AMH: variants seen among roughly 807,000 people sequenced by gnomAD.
AMH encodes the protein anti-Mullerian hormone, also known as anti-Muellerian hormone.
Under a neutral mutation model 33.3 loss-of-function variants are expected in AMH, and 39 were observed. That is an observed-to-expected ratio of 1.17 (90% CI 0.91 to 1.53). AMH has a LOEUF of 1.53. Ranked by LOEUF, AMH falls within the 40% of genes most tolerant of loss-of-function variation. AMH has a pLI of 0.00. For synonymous variants in AMH, 536 were observed against 403.0 expected, an observed-to-expected ratio of 1.33 and a Z score of -3.95; for missense variants, 1,019 against 799.8, an observed-to-expected ratio of 1.27 and a Z score of -3.30.
rs1054457028 is a variant in AMH, at chr19:2,251,858, C to T, written c.1584C>T (p.Pro528=). The change falls in exon 5 of 5, where the codon CCC becomes CCT. Residue 528 remains proline (P), a synonymous_variant. Transcript: ENST00000221496. Reference sequence around the variant, plus strand: ...TGGCGCGCCCACCCTGCTGCGTGCCCACCGCCTACGCGGGCAAGCTGCTCA... The same window carrying T: ...TGGCGCGCCCACCCTGCTGCGTGCCTACCGCCTACGCGGGCAAGCTGCTCA... ...AALARPPCCV[P]TAYAGKLLIS... 24 of 1,592,606 alleles carry T rather than the reference C, an allele frequency of 1.5e-5. No individual in the cohort carries two copies. In the Admixed American group the frequency reaches 3.7e-4, roughly 25 times the overall value.
At position 2,251,206 on chromosome 19, in the gene AMH, C is replaced by T. The variant is rs1257988198; in HGVS notation, c.932C>T (p.Pro311Leu). 6 of 1,504,594 alleles carry T rather than the reference C, an allele frequency of 4.0e-6. No individual in the cohort carries two copies. Among genetic ancestry groups the T allele is most frequent in the Non-Finnish European group, 5.3e-6 (6 of 1,133,832 alleles). 93.2% of individuals were successfully genotyped at this position (1,504,594 alleles called of 1,614,324 possible). Reference protein sequence around the residue: ...LRVPPARASAPRLALDPDALA... With the variant: ...LRVPPARASALRLALDPDALA... ...GTCCCCCCGGCCCGGGCCTCCGCGC[C>T]GCGCCTGGCCCTGGATCCGGACGCG... The change falls in exon 5 of 5, where the codon CCG becomes CTG. Residue 311 changes from proline (P) to leucine (L), a missense_variant. Coordinates refer to ENST00000221496, the MANE Select transcript of AMH (RefSeq NM_000479.5).
Position 2,249,756 on chromosome 19 carries a change from C to G in AMH, c.412+12C>G. The stretch of plus-strand genomic sequence containing the variant: ...ACACCTGGAGGAAGGTATGTGGGGC[C>G]CAGCCCCAAGCTTGGCACCGCCGTC... On this transcript the variant is annotated intron_variant, in intron 1 of 4. Coordinates refer to ENST00000221496, the MANE Select transcript of AMH (RefSeq NM_000479.5). 1 of 1,495,976 alleles carries G rather than the reference C, an allele frequency of 6.7e-7. No individual in the cohort carries two copies. The highest frequency in any genetic ancestry group is 8.9e-7 in the Non-Finnish European group (1 of 1,127,440). The allele number at this position is 1,495,976 out of a possible 1,614,324, so 92.7% of individuals were successfully genotyped here.
At position 2,250,970 on chromosome 19, in the gene AMH, G is replaced by C; in HGVS notation, c.786G>C (p.Ala262=). Residue 262 remains alanine (A), a synonymous_variant, in exon 4 of 5, where the codon GCG becomes GCC. Coordinates refer to ENST00000221496, the MANE Select transcript of AMH (RefSeq NM_000479.5). ...LPRSEPAPLP[A]HGQLDTVPFP... ...GGTCCGAGCCCGCGCCGCTGCCTGC[G>C]CACGGCCAGCTGGACACCGTGCCCT... is the stretch of plus-strand genomic sequence containing the variant. The C allele has an allele frequency of 6.6e-7, 1 of 1,520,868 alleles. No homozygotes were observed. Among genetic ancestry groups the C allele is most frequent in the Non-Finnish European group, 8.8e-7 (1 of 1,141,808 alleles). 94.2% of individuals were successfully genotyped at this position (1,520,868 alleles called of 1,614,324 possible).
Position 2,249,368 on chromosome 19 carries a change from G to A in AMH, c.36G>A (p.Val12=). 1 of 1,583,360 alleles carries A rather than the reference G, an allele frequency of 6.3e-7. No homozygotes were observed. Reference sequence around the variant, plus strand: ...TGCCTCTCACCAGCCTGGCCCTAGTGCTGTCTGCCCTGGGGGCTCTGCTGG... The same window carrying A: ...TGCCTCTCACCAGCCTGGCCCTAGTACTGTCTGCCCTGGGGGCTCTGCTGG... ...RDLPLTSLAL[V]LSALGALLGT... Residue 12 remains valine, a synonymous_variant, in exon 1 of 5, where the codon GTG becomes GTA. Coordinates refer to ENST00000221496, the MANE Select transcript of AMH (RefSeq NM_000479.5).
chr19:2,249,665 C>G lies in AMH; in HGVS notation c.333C>G (p.Ala111=). 3 of 1,512,378 alleles carry G rather than the reference C, an allele frequency of 2.0e-6. No individual in the cohort carries two copies. Among genetic ancestry groups the G allele is most frequent in the Non-Finnish European group, 2.6e-6 (3 of 1,134,410 alleles). 93.7% of individuals were successfully genotyped at this position (1,512,378 alleles called of 1,614,324 possible). ...GCAACACCGGTGACAGGCAGGCTGCCTTGCCCTCTCTACGGCGGCTGGGGG... is the reference window on the plus strand; with the variant it reads ...GCAACACCGGTGACAGGCAGGCTGCGTTGCCCTCTCTACGGCGGCTGGGGG... ...GVCNTGDRQA[A]LPSLRRLGAW... Residue 111 remains alanine, a synonymous_variant, in exon 1 of 5, where the codon GCC becomes GCG. Transcript: ENST00000221496.
In AMH at chr19:2,250,313, C is replaced by T. The variant is rs183367973; in HGVS notation, c.413-24C>T. ...GGGGTGTGGCCTTCAATGGCTCAGG[C>T]GTCCCCTGCTGTCCCGGCTGCAGTG... On this transcript the variant is annotated intron_variant, in intron 1 of 4. Transcript: ENST00000221496. The T allele has an allele frequency of 9.6e-4, 1,522 of 1,584,066 alleles. 2 individuals are homozygous for T. Among genetic ancestry groups the T allele is most frequent in the Non-Finnish European group, 1.2e-3 (1,392 of 1,171,242 alleles).
At chr19:2,250,155 GCAGCCCCTGC>G (rs1211102935) in intron 1 of AMH, 172 bp from the exon 2 acceptor site, 17 of 1,026,018 alleles carry the variant, frequency 1.7e-5, no homozygotes, top group Middle Eastern at 3.0e-4. Flanking sequence ...AGCCTCAGAC[GCAGCCCCTGC>G]CTGCCCCTGC....
At chr19:2,250,607 C>G (rs747680434) in intron 2 of AMH, 45 bp from the exon 3 acceptor site, 15 of 1,536,390 alleles carry the variant, frequency 9.8e-6, no homozygotes, top group Admixed American at 2.0e-5. Flanking sequence ...TAGAGCGGGG[C>G]TGGGTAAGCC....
In AMH at chr19:2,251,786, C is replaced by T. The variant is rs771217153; in HGVS notation, c.1512C>T (p.Gly504=). ...WPQSDRNPRY[G]NHVVLLLKMQ... ...AGTCCGACCGCAACCCGCGCTACGGCAACCACGTGGTGCTGCTGCTGAAGA... is the reference window on the plus strand; with the variant it reads ...AGTCCGACCGCAACCCGCGCTACGGTAACCACGTGGTGCTGCTGCTGAAGA... Residue 504 remains glycine, a synonymous_variant, in exon 5 of 5, where the codon GGC becomes GGT. Coordinates refer to ENST00000221496, the MANE Select transcript of AMH (RefSeq NM_000479.5). 1 of 1,610,160 alleles carries T rather than the reference C, an allele frequency of 6.2e-7. No individual in the cohort carries two copies. The highest frequency in any genetic ancestry group is 1.1e-5 in the South Asian group (1 of 91,022).
At position 2,251,483 on chromosome 19, in the gene AMH, G is replaced by A; in HGVS notation, c.1209G>A (p.Leu403=). ...LPGLPPATAP[L]LARLLALCPG... is the part of the protein sequence containing the mutation. ...GTCTGCCTCCGGCCACAGCCCCGCT[G>A]CTGGCGCGCCTGCTCGCGCTCTGCC... Residue 403 remains leucine (L), a synonymous_variant, in exon 5 of 5, where the codon CTG becomes CTA. Coordinates refer to ENST00000221496, the MANE Select transcript of AMH (RefSeq NM_000479.5). The A allele has an allele frequency of 7.2e-7, 1 of 1,383,388 alleles. No individual in the cohort carries two copies. Among genetic ancestry groups the A allele is most frequent in the Admixed American group, 3.5e-5 (1 of 28,684 alleles). 85.7% of individuals were successfully genotyped at this position (1,383,388 alleles called of 1,614,324 possible).
rs1325924706 is a variant in AMH, at chr19:2,250,319, C to T, written c.413-18C>T. 3 of 1,589,428 alleles carry T rather than the reference C, an allele frequency of 1.9e-6. No individual in the cohort carries two copies. Among genetic ancestry groups the T allele is most frequent in the African/African-American group, 2.7e-5 (2 of 74,764 alleles). On this transcript the variant is annotated intron_variant, in intron 1 of 4. Coordinates refer to ENST00000221496, the MANE Select transcript of AMH (RefSeq NM_000479.5). ...TGGCCTTCAATGGCTCAGGCGTCCC[C>T]TGCTGTCCCGGCTGCAGTGACCTGG...
Position 2,251,934 on chromosome 19 carries a change from G to T in AMH, c.1660G>T (p.Ala554Ser). The change falls in exon 5 of 5, where the codon GCC becomes TCC. Residue 554 changes from alanine to serine, a missense_variant. By Grantham distance (99) the Ala-to-Ser change is moderately conservative (BLOSUM62 1). Coordinates refer to ENST00000221496, the MANE Select transcript of AMH (RefSeq NM_000479.5). Reference protein sequence around the residue: ...ISAHHVPNMVATECGCR With the variant: ...ISAHHVPNMVSTECGCR ...CGCGCACCACGTGCCCAACATGGTG[G>T]CCACCGAGTGTGGCTGCCGGTGACC... 6.4e-7 allele frequency: 1 copy of T among 1,551,958 alleles called. No homozygotes were observed. Among genetic ancestry groups the T allele is most frequent in the African/African-American group, 1.4e-5 (1 of 73,696 alleles).
At chr19:2,250,792 G>C (rs1568393754) in intron 3 of AMH, 32 bp downstream of exon 3, 1 of 1,535,936 alleles carries the variant, frequency 6.5e-7, no homozygotes, top group East Asian at 2.4e-5. Flanking sequence ...CGGGGAGCCG[G>C]GTCGACTGCC....
At chr19:2,249,817 C>T (rs923194573) in intron 1 of AMH, 73 bp downstream of exon 1, 2 of 1,413,206 alleles carry the variant, frequency 1.4e-6, no homozygotes, top group Non-Finnish European at 9.3e-7. Flanking sequence ...TAGGGAAGAT[C>T]AGGGGCTGGC....
Position 2,251,468 on chromosome 19 carries a change from G to A in AMH, c.1194G>A (p.Pro398=). 7.1e-7 allele frequency: 1 copy of A among 1,413,290 alleles called. No homozygotes were observed. The highest frequency in any genetic ancestry group is 9.2e-7 in the Non-Finnish European group (1 of 1,088,398). The allele number at this position is 1,413,290 out of a possible 1,614,324, so 87.5% of individuals were successfully genotyped here. The stretch of plus-strand genomic sequence containing the variant: ...TGCGAAGCCTCCCGGGTCTGCCTCC[G>A]GCCACAGCCCCGCTGCTGGCGCGCC... ...AELRSLPGLP[P]ATAPLLARLL... Residue 398 remains proline, a synonymous_variant, in exon 5 of 5, where the codon CCG becomes CCA. Transcript: ENST00000221496.
At position 2,251,982 on chromosome 19, in the gene AMH, C is replaced by A; in HGVS notation, c.*25C>A. On this transcript the variant is annotated 3_prime_UTR_variant, in exon 5 of 5. Coordinates refer to ENST00000221496, the MANE Select transcript of AMH (RefSeq NM_000479.5). ...ACCCCTGCGCCGCGCGGACTCCTGCCCCGAGGGTCCGGACGCGCCCCAGCT... is the reference window on the plus strand; with the variant it reads ...ACCCCTGCGCCGCGCGGACTCCTGCACCGAGGGTCCGGACGCGCCCCAGCT... 1 of 1,534,678 alleles carries A rather than the reference C, an allele frequency of 6.5e-7. No individual in the cohort carries two copies. The highest frequency in any genetic ancestry group is 8.7e-7 in the Non-Finnish European group (1 of 1,147,196).
Position 2,250,868 on chromosome 19 carries a change from C to G in AMH, c.684C>G (p.Ala228=). The change falls in exon 4 of 5, where the codon GCC becomes GCG. Residue 228 remains alanine (A), a synonymous_variant. Coordinates refer to ENST00000221496, the MANE Select transcript of AMH (RefSeq NM_000479.5). The part of the protein sequence containing the change: ...PRGEDSRLST[A]RLQALLFGDD... ...CCGCAGACTCCCGGCTGAGTACCGC[C>G]CGGCTGCAGGCACTGCTGTTCGGCG... is the stretch of plus-strand genomic sequence containing the variant. 6.4e-7 allele frequency: 1 copy of G among 1,573,576 alleles called. No homozygotes were observed. Among genetic ancestry groups the G allele is most frequent in the Non-Finnish European group, 8.6e-7 (1 of 1,168,504 alleles).
In AMH at chr19:2,251,652, G is replaced by A. The variant is rs756844421; in HGVS notation, c.1378G>A (p.Gly460Arg). ...CAGCGCGGGGGCCACCGCCGCCGAC[G>A]GGCCGTGCGCGCTGCGCGAGCTCAG... ...QRSAGATAAD[G>R]PCALRELSVD... is the part of the protein sequence containing the mutation. Residue 460 changes from glycine (G) to arginine (R), a missense_variant, in exon 5 of 5, where the codon GGG (glycine) becomes AGG (arginine). Coordinates refer to ENST00000221496, the MANE Select transcript of AMH (RefSeq NM_000479.5). 1.9e-5 allele frequency: 30 copies of A among 1,599,000 alleles called. No individual in the cohort carries two copies. The highest frequency in any genetic ancestry group is 2.5e-5 in the Non-Finnish European group (29 of 1,174,886).
Position 2,251,060 on chromosome 19 carries a change from C to T in AMH, c.825-39C>T, listed in dbSNP as rs762823966. On this transcript the variant is annotated intron_variant, in intron 4 of 4. Coordinates refer to ENST00000221496, the MANE Select transcript of AMH (RefSeq NM_000479.5). ...CAGGAGCGGGCGGGGGCGGCGTGGC[C>T]TCGTGGCCGCTCTCAACTCCTCCAA... 213 of 1,530,352 alleles carry T rather than the reference C, an allele frequency of 1.4e-4. No individual in the cohort carries two copies. In the East Asian group the frequency reaches 5.2e-3, roughly 38 times the overall value. The allele number at this position is 1,530,352 out of a possible 1,614,324, so 94.8% of individuals were successfully genotyped here.
Sources: gnomAD v4.1 joint callset for allele counts on GRCh38, gnomAD v4.1.1 for gene constraint, MANE v1.5 for transcripts, NCBI Gene and HGNC (gene_info 2026-07-23, HGNC 2026-07-21) for gene names.